Variants in PLD5 observed in about 807,000 individuals in gnomAD.
PLD5 encodes the protein inactive phospholipase D5.
Under a neutral mutation model 61.1 loss-of-function variants are expected in PLD5, and 36 were observed. The observed-to-expected ratio is 0.59, with a 90% CI of 0.45 to 0.78. The LOEUF (loss-of-function observed/expected upper bound fraction) is 0.78. Among genes scored for constraint, PLD5 ranks in the 30% least tolerant of loss-of-function variants. The pLI, the probability that PLD5 is intolerant of heterozygous loss-of-function variation, is 0.00. For synonymous variants in PLD5, 243 were observed against 242.8 expected, an observed-to-expected ratio of 1.00 and a Z score of -0.01; for missense variants, 515 against 644.4, an observed-to-expected ratio of 0.80 and a Z score of 2.17.
At chr1:242,498,591 T>C (rs2102987433) in intron 1 of PLD5, among the ~76,000 whole-genome samples, 1 of 152,388 alleles carries the variant, frequency 6.6e-6, no homozygotes, top group Middle Eastern at 3.4e-3. Flanking sequence ...GTGCCAGAAT[T>C]TATTCAACAG....
intron 1 of PLD5, among the ~76,000 whole-genome samples, chr1:242,446,684 A>G (rs571000676): frequency 2.4e-4 from 36 of 152,332 alleles, no homozygotes; most frequent in Middle Eastern, 6.8e-3. Flanking sequence ...GAAATTGGTC[A>G]GAGTAGGAAC....
intron 5 of PLD5, among the ~76,000 whole-genome samples, chr1:242,146,546 C>A (rs1377116670): frequency 6.6e-6 from 1 of 152,008 alleles, no homozygotes; most frequent in Non-Finnish European, 1.5e-5. Context: ...AGGTTTTTTT[C>A]ACAGCATGCC....
At chr1:242,422,755 A>T (rs1665214312) in intron 1 of PLD5, among the ~76,000 whole-genome samples, 1 of 152,102 alleles carries the variant, frequency 6.6e-6, no homozygotes, top group Non-Finnish European at 1.5e-5. Flanking sequence ...GCCTACCTGT[A>T]CTTAGCATTA....
At chr1:242,166,477 T>G (rs1666311503) in intron 5 of PLD5, among the ~76,000 whole-genome samples, 1 of 152,220 alleles carries the variant, frequency 6.6e-6, no homozygotes, top group Admixed American at 6.5e-5. Context: ...CATGTGTGCA[T>G]GTACACACAT....
chr1:242,440,674 C>T (rs1666231038), intron 1 of PLD5, among the ~76,000 whole-genome samples: 1 of 152,224 alleles, frequency 6.6e-6, no homozygotes, highest in African/African-American at 2.4e-5. Context: ...AGATACAAGA[C>T]ACCTGCTACC....
At chr1:242,211,361 T>C (rs1669808916) in intron 5 of PLD5, among the ~76,000 whole-genome samples, 1 of 152,198 alleles carries the variant, frequency 6.6e-6, no homozygotes, top group Admixed American at 6.5e-5. Flanking sequence ...TACAAAGGAA[T>C]GTAAAGTATT....
chr1:242,150,650 C>A (rs1664860357), intron 5 of PLD5, among the ~76,000 whole-genome samples: 1 of 151,718 alleles, frequency 6.6e-6, no homozygotes, highest in Non-Finnish European at 1.5e-5. Context: ...CAAGTGGTAG[C>A]ATAATAAATT....
At chr1:242,346,035 C>T (rs12132340) in intron 2 of PLD5, among the ~76,000 whole-genome samples, 8,886 of 18,524 alleles carry the variant, frequency 0.48, 341 homozygotes, top group Middle Eastern at 0.54. Flanking sequence ...ATATATACAA[C>T]CATATATCAT....
intron 5 of PLD5, among the ~76,000 whole-genome samples, chr1:242,201,374 T>A (rs1668978596): frequency 6.6e-6 from 1 of 152,150 alleles, no homozygotes; most frequent in Non-Finnish European, 1.5e-5. Flanking sequence ...TTTTTTCCAA[T>A]TAAAAATATG....
At chr1:242,276,670 T>C (rs1414169756) in intron 3 of PLD5, among the ~76,000 whole-genome samples, 3 of 151,336 alleles carry the variant, frequency 2.0e-5, no homozygotes, top group Non-Finnish European at 4.4e-5. Flanking sequence ...GATGTCCCAA[T>C]GGATCAATCA....
intron 1 of PLD5, among the ~76,000 whole-genome samples, chr1:242,399,458 T>C (rs1223262522): frequency 6.6e-6 from 1 of 152,142 alleles, no homozygotes; most frequent in Admixed American, 6.5e-5. Flanking sequence ...ATGAAGAAAA[T>C]GCCGGATATG....
intron 1 of PLD5, among the ~76,000 whole-genome samples, chr1:242,459,847 T>C (rs930611882): frequency 2.6e-5 from 4 of 152,134 alleles, no homozygotes; most frequent in African/African-American, 9.7e-5. Context: ...TATAAAGGGA[T>C]GCATGGGGGG....
chr1:242,202,950 C>T (rs1349756841), intron 5 of PLD5, among the ~76,000 whole-genome samples: 1 of 151,788 alleles, frequency 6.6e-6, no homozygotes, highest in African/African-American at 2.4e-5. Context: ...CCCGAGAGAC[C>T]GAATATACAA....
intron 1 of PLD5, among the ~76,000 whole-genome samples, chr1:242,417,068 A>G (rs1664871623): frequency 2.0e-5 from 3 of 152,230 alleles, no homozygotes; most frequent in South Asian, 4.1e-4. Context: ...AAAGAGTTAT[A>G]ATTTTAAAGG....
At chr1:242,159,376 G>C (rs1289767828) in intron 5 of PLD5, among the ~76,000 whole-genome samples, 1 of 152,164 alleles carries the variant, frequency 6.6e-6, no homozygotes, top group Non-Finnish European at 1.5e-5. Flanking sequence ...TGTGTTGTCA[G>C]TGTCTGCTCC....
intron 8 of PLD5, among the ~76,000 whole-genome samples, chr1:242,103,870 A>T (rs1660858254): frequency 6.6e-6 from 1 of 152,248 alleles, no homozygotes; most frequent in South Asian, 2.1e-4. Flanking sequence ...AATTTCTATT[A>T]TCCATCAATG....
At chr1:242,366,533 G>T (rs1661349942) in intron 1 of PLD5, among the ~76,000 whole-genome samples, 1 of 152,142 alleles carries the variant, frequency 6.6e-6, no homozygotes. Flanking sequence ...GTTGTATTTA[G>T]ATTGGTGCAA....
At chr1:242,297,447 T>A in intron 2 of PLD5, among the ~76,000 whole-genome samples, 1 of 139,666 alleles carries the variant, frequency 7.2e-6, no homozygotes, top group Admixed American at 7.4e-5. Context: ...TGCTCTGTCA[T>A]CCAGGCTAGA....
intron 5 of PLD5, among the ~76,000 whole-genome samples, chr1:242,170,252 T>A (rs1666650170): frequency 6.6e-6 from 1 of 152,202 alleles, no homozygotes; most frequent in Non-Finnish European, 1.5e-5. Flanking sequence ...CAGCAATCTT[T>A]GCTGTTCTGC....
Sources: gnomAD v4.1 joint callset for allele counts (sites outside exome capture counted in the v4.1 genomes callset) on GRCh38, gnomAD v4.1.1 for gene constraint, MANE v1.5 for transcripts, NCBI Gene and HGNC (gene_info 2026-07-23, HGNC 2026-07-21) for gene names.